The following CAMKMT variants were observed in gnomAD, a reference collection of about 807,000 sequenced individuals.
CAMKMT encodes calmodulin-lysine N-methyltransferase, also known as CaM KMT.
Under a neutral mutation model 48.0 loss-of-function variants are expected in CAMKMT, and 53 were observed. The observed-to-expected ratio is 1.10, with a 90% CI of 0.89 to 1.39. The LOEUF (loss-of-function observed/expected upper bound fraction) is 1.39. Among genes scored for constraint, CAMKMT ranks in the 40% most tolerant of loss-of-function variants. CAMKMT has a pLI of 0.00. For synonymous variants in CAMKMT, 165 were observed against 152.3 expected, an observed-to-expected ratio of 1.08 and a Z score of -0.61; for missense variants, 428 against 402.7, an observed-to-expected ratio of 1.06 and a Z score of -0.54.
Position 44,766,456 on chromosome 2 carries a change from C to A in CAMKMT, c.789C>A (p.Arg263=). Reference sequence around the variant, plus strand: ...GGAAAGCGATGGTATTTGCCCCACGCCGAGGGAATACTTTAAACCAGTTTT... The same window carrying A: ...GGAAAGCGATGGTATTTGCCCCACGACGAGGGAATACTTTAAACCAGTTTT... ...PRGKAMVFAP[R]RGNTLNQFCN... is the part of the protein sequence containing the mutation. The change falls in exon 10 of 11, where the codon CGC becomes CGA. Residue 263 remains arginine, a synonymous_variant. Coordinates refer to ENST00000378494, the MANE Select transcript of CAMKMT (RefSeq NM_024766.5). 1 of 1,614,160 alleles carries A rather than the reference C, an allele frequency of 6.2e-7. No homozygotes were observed. The highest frequency in any genetic ancestry group is 2.2e-5 in the East Asian group (1 of 44,866).
chr2:44,551,310 A>G (rs997937038), intron 3 of CAMKMT, among the ~76,000 whole-genome samples: 1 of 151,928 alleles, frequency 6.6e-6, no homozygotes, highest in Non-Finnish European at 1.5e-5. Context: ...GAGCATGAAG[A>G]CTCTAAATTC....
intron 3 of CAMKMT, among the ~76,000 whole-genome samples, chr2:44,635,106 C>G (rs993199059): frequency 6.6e-6 from 1 of 152,160 alleles, no homozygotes; most frequent in African/African-American, 2.4e-5. Context: ...ATATTAGATG[C>G]TATGCAAGGT....
intron 3 of CAMKMT, among the ~76,000 whole-genome samples, chr2:44,666,244 C>G (rs1298887357): frequency 6.6e-6 from 1 of 152,180 alleles, no homozygotes; most frequent in African/African-American, 2.4e-5. Context: ...TGGTTCTGAG[C>G]AAAATTTCAG....
At chr2:44,510,012 C>T (rs1439243984) in intron 3 of CAMKMT, among the ~76,000 whole-genome samples, 1 of 152,210 alleles carries the variant, frequency 6.6e-6, no homozygotes, top group Non-Finnish European at 1.5e-5. Context: ...TGACAGTTCT[C>T]AAATACTTTT....
At chr2:44,581,351 A>C (rs1439006275) in intron 3 of CAMKMT, among the ~76,000 whole-genome samples, 1 of 152,238 alleles carries the variant, frequency 6.6e-6, no homozygotes, top group Non-Finnish European at 1.5e-5. Context: ...TAAGCTAAGC[A>C]AATGGGCTAA....
chr2:44,509,395 CA>C (rs1670424905), intron 3 of CAMKMT, among the ~76,000 whole-genome samples: 1 of 152,018 alleles, frequency 6.6e-6, no homozygotes, highest in Admixed American at 6.6e-5. Flanking sequence ...CTGCAACCTC[CA>C]CCTCCTGGAC....
intron 3 of CAMKMT, among the ~76,000 whole-genome samples, chr2:44,468,968 T>C (rs1159551583): frequency 6.6e-6 from 1 of 151,966 alleles, no homozygotes; most frequent in African/African-American, 2.4e-5. Flanking sequence ...ATGTATGTTC[T>C]CACTCGTGTG....
intron 3 of CAMKMT, among the ~76,000 whole-genome samples, chr2:44,390,981 C>G (rs1681282571): frequency 6.6e-6 from 1 of 152,106 alleles, no homozygotes. Flanking sequence ...ATCATAGGAG[C>G]TATGGACTTT....
rs1327813492 is a variant in CAMKMT at position 44,653,446 on chromosome 2, T to C, written c.377-50837T>C. On this transcript the variant is annotated intron_variant, in intron 3 of 10. Transcript: ENST00000378494. The surrounding 1 kb of genome is among the most constrained non-coding windows in gnomAD (Gnocchi z 5.2). ...GGAAGGAACATTAGATATAGTTTTA[T>C]CTCATTGATAGAGAAACATGGGCCC... Among the ~76,000 whole-genome samples, 1 of 152,190 alleles carries C rather than the reference T, an allele frequency of 6.6e-6. No homozygotes were observed. Among genetic ancestry groups the C allele is most frequent in the East Asian group, 1.9e-4 (1 of 5,196 alleles).
intron 3 of CAMKMT, chr2:44,456,615 T>C: frequency 6.5e-7 from 1 of 1,547,124 alleles, no homozygotes; most frequent in East Asian, 2.5e-5. Context: ...GTAGTAACTC[T>C]TCCTTTTTTG....
chr2:44,745,851 C>T (rs1031238109), intron 8 of CAMKMT, among the ~76,000 whole-genome samples: 2 of 152,128 alleles, frequency 1.3e-5, no homozygotes, highest in Non-Finnish European at 2.9e-5. Flanking sequence ...CTAATATGCA[C>T]GTTGTGCATG....
At chr2:44,544,455 G>C (rs1667286631) in intron 3 of CAMKMT, among the ~76,000 whole-genome samples, 1 of 152,190 alleles carries the variant, frequency 6.6e-6, no homozygotes, top group African/African-American at 2.4e-5. Flanking sequence ...AGTGGAGTCA[G>C]TACATTGGAA....
rs111732695 is a variant in CAMKMT, at chr2:44,492,832, T to C, written c.376+102527T>C. 2.2e-3 allele frequency among the ~76,000 whole-genome samples: 331 copies of C among 152,292 alleles called. No homozygotes were observed. The Middle Eastern group carries it at 0.027, about 13-fold the overall frequency. ...AAGGATTTACTGTAGCAGAATATGCTTCTTGGATTTTATTTATTAGAGCTA... is the reference window on the plus strand; with the variant it reads ...AAGGATTTACTGTAGCAGAATATGCCTCTTGGATTTTATTTATTAGAGCTA... On this transcript the variant is annotated intron_variant, in intron 3 of 10. Coordinates refer to ENST00000378494, the MANE Select transcript of CAMKMT (RefSeq NM_024766.5).
At chr2:44,450,046 A>G (rs999600712) in intron 3 of CAMKMT, among the ~76,000 whole-genome samples, 1 of 152,142 alleles carries the variant, frequency 6.6e-6, no homozygotes, top group African/African-American at 2.4e-5. Flanking sequence ...TTAGGGGTGA[A>G]GTTGTGAAGA....
intron 10 of CAMKMT, among the ~76,000 whole-genome samples, chr2:44,768,809 C>A (rs1490946991): frequency 2.0e-5 from 3 of 152,162 alleles, no homozygotes; most frequent in African/African-American, 7.2e-5. Flanking sequence ...GGCCAAAGCC[C>A]CCTCGTCCCT....
Position 44,598,798 on chromosome 2 carries a change from T to A in CAMKMT, c.377-105485T>A, listed in dbSNP as rs769462104. Reference sequence around the variant, plus strand: ...GATATAAGAAAATGAAAAGAAGGAATAAATAAAGTCATGGTTTCACAATGT... The same window carrying A: ...GATATAAGAAAATGAAAAGAAGGAAAAAATAAAGTCATGGTTTCACAATGT... On this transcript the variant is annotated intron_variant, in intron 3 of 10. Transcript: ENST00000378494. 2.7e-5 allele frequency among the ~76,000 whole-genome samples: 4 copies of A among 149,062 alleles called. No homozygotes were observed. In the East Asian group the frequency reaches 5.8e-4, roughly 22 times the overall value.
At chr2:44,630,610 A>G (rs909082736) in intron 3 of CAMKMT, among the ~76,000 whole-genome samples, 3 of 151,950 alleles carry the variant, frequency 2.0e-5, no homozygotes, top group Non-Finnish European at 4.4e-5. Context: ...ACTTCTCAAA[A>G]GAAGACATTT....
chr2:44,719,345 G>A (rs1021564096), intron 7 of CAMKMT, among the ~76,000 whole-genome samples: 19 of 152,126 alleles, frequency 1.2e-4, no homozygotes, highest in Admixed American at 1.2e-3. Context: ...TTTGTTCAAA[G>A]CATGTTGGCT....
chr2:44,723,474 C>T (rs1474596953), intron 7 of CAMKMT, among the ~76,000 whole-genome samples: 1 of 151,830 alleles, frequency 6.6e-6, no homozygotes, highest in Non-Finnish European at 1.5e-5. Context: ...ACCTGTAATC[C>T]GAGCTACTTG....
Sources: allele counts gnomAD v4.1 joint callset (sites outside exome capture counted in the v4.1 genomes callset), GRCh38; gene constraint gnomAD v4.1.1; non-coding constraint Gnocchi (gnomAD v3.1); transcripts MANE v1.5; gene names NCBI Gene and HGNC (gene_info 2026-07-23, HGNC 2026-07-21).